GNAL: variants seen among roughly 807,000 people sequenced by gnomAD.
The protein encoded by GNAL is G protein subunit alpha L.
A neutral mutation model predicts 55.1 loss-of-function variants in GNAL; 18 were observed. That is an observed-to-expected ratio of 0.33 (90% CI 0.23 to 0.48). The LOEUF is 0.48. Among genes scored for constraint, GNAL ranks in the 20% least tolerant of loss-of-function variants. The pLI, the probability that GNAL is intolerant of heterozygous loss-of-function variation, is 0.99. For synonymous variants in GNAL, 253 were observed against 237.0 expected (o/e 1.07, Z -0.62); for missense variants, 412 against 614.1 (o/e 0.67, Z 3.48).
intron 10 of GNAL, among the ~76,000 whole-genome samples, chr18:11,873,703 T>G (rs1370247901): frequency 6.6e-6 from 1 of 152,266 alleles, no homozygotes; most frequent in Non-Finnish European, 1.5e-5. Context: ...GGGTGCCGCT[T>G]GCCCATGGCA....
intron 4 of GNAL, among the ~76,000 whole-genome samples, chr18:11,823,532 T>A (rs1163328283): frequency 6.6e-6 from 1 of 152,212 alleles, no homozygotes; most frequent in Non-Finnish European, 1.5e-5. Context: ...TACCTAATTT[T>A]GTATTCATCA....
intron 1 of GNAL, among the ~76,000 whole-genome samples, chr18:11,747,979 C>T (rs562202075): frequency 9.2e-5 from 14 of 152,246 alleles, no homozygotes; most frequent in African/African-American, 2.9e-4. Context: ...TGGCAGCGGG[C>T]GCCACTCTGC....
chr18:11,773,766 G>A (rs1329075710), intron 4 of GNAL, among the ~76,000 whole-genome samples: 1 of 152,224 alleles, frequency 6.6e-6, no homozygotes, highest in Non-Finnish European at 1.5e-5. Flanking sequence ...CCTGATGACA[G>A]AGGAAGACCT....
At chr18:11,732,645 T>G (rs2032365516) in intron 1 of GNAL, among the ~76,000 whole-genome samples, 2 of 152,248 alleles carry the variant, frequency 1.3e-5, no homozygotes, top group South Asian at 4.1e-4. Flanking sequence ...TCAATTGTGT[T>G]GTATGTTAGC....
chr18:11,758,701 C>T (rs1479409397), intron 4 of GNAL, among the ~76,000 whole-genome samples: 1 of 152,162 alleles, frequency 6.6e-6, no homozygotes, highest in Non-Finnish European at 1.5e-5. Context: ...CTCATGAATA[C>T]ACCCAAAGCT....
intron 1 of GNAL, among the ~76,000 whole-genome samples, chr18:11,709,165 C>T (rs1175501233): frequency 6.6e-6 from 1 of 151,966 alleles, no homozygotes; most frequent in Admixed American, 6.6e-5. Context: ...GTTTATGTAT[C>T]TATATGCCAG....
chr18:11,776,490 T>C (rs541488204), intron 4 of GNAL, among the ~76,000 whole-genome samples: 1 of 152,176 alleles, frequency 6.6e-6, no homozygotes, highest in South Asian at 2.1e-4. Flanking sequence ...GAGGATTGCT[T>C]AAGCCCAGCA....
At chr18:11,758,315 A>T (rs1034467474) in intron 4 of GNAL, among the ~76,000 whole-genome samples, 1 of 152,204 alleles carries the variant, frequency 6.6e-6, no homozygotes, top group Non-Finnish European at 1.5e-5. Context: ...GGTAGCTTAC[A>T]TGGGGATGAT....
intron 1 of GNAL, among the ~76,000 whole-genome samples, chr18:11,703,083 A>G (rs746766970): frequency 6.6e-6 from 1 of 152,136 alleles, no homozygotes; most frequent in Non-Finnish European, 1.5e-5. Flanking sequence ...GCGCCACTGC[A>G]CTCCAGCCTG....
chr18:11,785,742 C>T (rs1251645267), intron 4 of GNAL, among the ~76,000 whole-genome samples: 1 of 151,954 alleles, frequency 6.6e-6, no homozygotes, highest in African/African-American at 2.4e-5. Context: ...ACCCTTCTGC[C>T]CAGAGACCCA....
chr18:11,755,010 G>A (rs2032997829), intron 4 of GNAL, among the ~76,000 whole-genome samples: 1 of 151,974 alleles, frequency 6.6e-6, no homozygotes. Context: ...GTGTGTGTGT[G>A]TGTGTGTGTG....
chr18:11,867,082 T>C (rs2036280252), intron 7 of GNAL, 86 bp from the exon 8 acceptor site: 13 of 1,024,964 alleles, frequency 1.3e-5, no homozygotes, highest in Admixed American at 3.5e-5. Context: ...CGCTGGAACC[T>C]GCTGATAGCA....
chr18:11,847,308 T>C (rs191487555), intron 5 of GNAL, among the ~76,000 whole-genome samples: 112 of 151,884 alleles, frequency 7.4e-4, no homozygotes, highest in African/African-American at 2.6e-3. Flanking sequence ...GTTTGAGATA[T>C]AACATTTCAA....
At chr18:11,756,745 A>G (rs2033069401) in intron 4 of GNAL, among the ~76,000 whole-genome samples, 1 of 152,158 alleles carries the variant, frequency 6.6e-6, no homozygotes, top group Non-Finnish European at 1.5e-5. Context: ...CCTCATTCAG[A>G]ATGATATCAA....
intron 11 of GNAL, among the ~76,000 whole-genome samples, chr18:11,880,024 C>A (rs1041805210): frequency 1.3e-5 from 2 of 150,874 alleles, no homozygotes; most frequent in African/African-American, 4.8e-5. Context: ...TTTGGGAGGC[C>A]GAGGCAGGCG....
intron 1 of GNAL, among the ~76,000 whole-genome samples, chr18:11,706,065 C>T (rs1453165099): frequency 6.6e-6 from 1 of 151,968 alleles, no homozygotes; most frequent in African/African-American, 2.4e-5. Context: ...ATGTCATTAG[C>T]CCATTTTTTA....
intron 5 of GNAL, among the ~76,000 whole-genome samples, chr18:11,859,384 G>C (rs565941671): frequency 6.6e-6 from 1 of 152,050 alleles, no homozygotes; most frequent in Admixed American, 6.5e-5. Flanking sequence ...CTTTGTTGCT[G>C]GATGGTCAGG....
chr18:11,715,468 A>G (rs2031941005), intron 1 of GNAL, among the ~76,000 whole-genome samples: 1 of 151,818 alleles, frequency 6.6e-6, no homozygotes, highest in Non-Finnish European at 1.5e-5. Flanking sequence ...CTCAAAAAAA[A>G]AAAAAAAAAA....
At chr18:11,805,500 C>T (rs150867375) in intron 4 of GNAL, among the ~76,000 whole-genome samples, 1 of 152,074 alleles carries the variant, frequency 6.6e-6, no homozygotes, top group Non-Finnish European at 1.5e-5. Flanking sequence ...TCATCATCTA[C>T]CCCCCACCAA....
Sources: gnomAD v4.1 joint callset for allele counts (sites outside exome capture counted in the v4.1 genomes callset) on GRCh38, gnomAD v4.1.1 for gene constraint, MANE v1.5 for transcripts, NCBI Gene and HGNC (gene_info 2026-07-23, HGNC 2026-07-21) for gene names.